Variants in NAT1 observed in about 807,000 individuals in gnomAD.
NAT1 encodes the protein N-acetyltransferase 1, also known as arylamine N-acetyltransferase 1.
For missense variants in NAT1, 400 were observed against 339.2 expected (o/e 1.18, Z -1.41); for synonymous variants, 144 against 122.6 (o/e 1.17, Z -1.16).
At chr8:18,192,741 C>CA (rs1428779204) in intron 2 of NAT1, among the ~76,000 whole-genome samples, 1 of 146,742 alleles carries the variant, frequency 6.8e-6, no homozygotes, top group East Asian at 2.0e-4. Context: ...ATCGCAAGGA[C>CA]AAAAAACCAA....
intron 2 of NAT1, among the ~76,000 whole-genome samples, chr8:18,175,641 T>C (rs1165849250): frequency 6.6e-6 from 1 of 152,164 alleles, no homozygotes; most frequent in Non-Finnish European, 1.5e-5. Flanking sequence ...TGCTTCCATA[T>C]CTTGGCTATT....
chr8:18,219,409 A>G lies in NAT1; in HGVS notation c.-85-2A>G. ...TCTGACTGTCTTTTCTCTTATTTCT[A>G]GAATTCAAGCCAGGAAGAAGCAGCA... On this transcript the variant is annotated splice_acceptor_variant, in intron 1 of 2. Transcript: ENST00000307719. LOFTEE classifies it low-confidence loss of function (5UTR_SPLICE). 3 of 1,543,730 alleles carry G rather than the reference A, an allele frequency of 1.9e-6. No homozygotes were observed. The highest frequency in any genetic ancestry group is 2.6e-6 in the Non-Finnish European group (3 of 1,142,532).
intron 1 of NAT1, among the ~76,000 whole-genome samples, chr8:18,214,268 T>G (rs1002944662): frequency 6.6e-6 from 1 of 152,234 alleles, no homozygotes; most frequent in African/African-American, 2.4e-5. Flanking sequence ...TTCATATTCA[T>G]CTACTTGTTC....
At position 18,189,323 on chromosome 8, in the gene NAT1, T is replaced by G. The variant is rs111395349; in HGVS notation, n.92+18584T>G. On this transcript the variant is annotated intron_variant and non_coding_transcript_variant, in intron 2 of 4. Transcript: ENST00000517441. ...TGATCAGGCACTGTGCTAGCTACTT[T>G]ATGTTTGTAATCTGCTTTAATCATT... Among the ~76,000 whole-genome samples the G allele has an allele frequency of 6.5e-3, 984 of 152,276 alleles. 11 individuals carry two copies. The highest frequency in any genetic ancestry group is 0.023 in the African/African-American group (941 of 41,546).
rs138058980 is a variant in NAT1 at position 18,175,628 on chromosome 8, T to C, written n.92+4889T>C. ...CCATACTATCATTGATGACCACTTA[T>C]GTTGCTTCCATATCTTGGCTATTGT... is the stretch of plus-strand genomic sequence containing the variant. On this transcript the variant is annotated intron_variant and non_coding_transcript_variant, in intron 2 of 4. Coordinates refer to the NAT1 transcript ENST00000517441. Among the ~76,000 whole-genome samples, 1,480 of 152,262 alleles carry C rather than the reference T, an allele frequency of 9.7e-3. 18 individuals are homozygous for C. Among genetic ancestry groups the C allele is most frequent in the African/African-American group, 0.034 (1,395 of 41,564 alleles).
rs547051069 is a variant in NAT1, at chr8:18,220,800, G to C, written c.-6-1242G>C. Among the ~76,000 whole-genome samples, 4 of 147,724 alleles carry C rather than the reference G, an allele frequency of 2.7e-5. No individual in the cohort carries two copies. The East Asian group carries it at 5.8e-4, about 22-fold the overall frequency. ...TTCTACCTTGTAGCAGAATGTACAC[G>C]CTTAGGTTTCAGCAAAAGTTCCTCA... On this transcript the variant is annotated intron_variant, in intron 2 of 2. Transcript: ENST00000307719.
chr8:18,185,351 T>C (rs912048581), intron 2 of NAT1, among the ~76,000 whole-genome samples: 3 of 152,184 alleles, frequency 2.0e-5, no homozygotes, highest in African/African-American at 7.2e-5. Flanking sequence ...TTATTTAGAA[T>C]TTCTATTTTT....
chr8:18,173,539 A>G (rs1802177624), intron 2 of NAT1, among the ~76,000 whole-genome samples: 1 of 152,170 alleles, frequency 6.6e-6, no homozygotes, highest in Non-Finnish European at 1.5e-5. Flanking sequence ...TGGGATGGCA[A>G]TTGCAGATGG....
chr8:18,208,811 C>T (rs1262956104), upstream of NAT1, among the ~76,000 whole-genome samples: 4 of 152,198 alleles, frequency 2.6e-5, no homozygotes, highest in Admixed American at 6.5e-5. Context: ...ACCCCCGCCC[C>T]GGGTCAGAGG....
At chr8:18,218,788 C>T (rs1371762212) in intron 1 of NAT1, among the ~76,000 whole-genome samples, 2 of 152,078 alleles carry the variant, frequency 1.3e-5, no homozygotes, top group African/African-American at 4.8e-5. Context: ...TGACTTTTCC[C>T]TTTGGCTAAA....
chr8:18,213,215 A>G (rs560995095), intron 1 of NAT1, among the ~76,000 whole-genome samples: 1 of 152,014 alleles, frequency 6.6e-6, no homozygotes, highest in African/African-American at 2.4e-5. Flanking sequence ...CCAAGACCCG[A>G]TAGGTCTAAG....
intron 2 of NAT1, among the ~76,000 whole-genome samples, chr8:18,185,886 C>T (rs1211850014): frequency 6.6e-6 from 1 of 151,962 alleles, no homozygotes; most frequent in African/African-American, 2.4e-5. Flanking sequence ...CTATTTTTAT[C>T]ATGGTTTCTT....
intron 1 of NAT1, among the ~76,000 whole-genome samples, chr8:18,216,658 G>A (rs1804701857): frequency 6.6e-6 from 1 of 152,204 alleles, no homozygotes; most frequent in Admixed American, 6.5e-5. Flanking sequence ...ACAGTCATGA[G>A]GGGTCTTGTT....
chr8:18,215,430 A>T (rs1804552343), intron 1 of NAT1, among the ~76,000 whole-genome samples: 1 of 152,334 alleles, frequency 6.6e-6, no homozygotes, highest in Non-Finnish European at 1.5e-5. Context: ...GTGATACGAT[A>T]TTGTATCTAT....
intron 2 of NAT1, among the ~76,000 whole-genome samples, chr8:18,171,984 T>G (rs1159504486): frequency 6.6e-6 from 1 of 152,204 alleles, no homozygotes; most frequent in Non-Finnish European, 1.5e-5. Flanking sequence ...CTCACTGTCT[T>G]TCAGCAAACA....
chr8:18,194,970 A>G (rs1335442425), intron 2 of NAT1, among the ~76,000 whole-genome samples: 1 of 152,142 alleles, frequency 6.6e-6, no homozygotes, highest in African/African-American at 2.4e-5. Flanking sequence ...TCTCAGATGG[A>G]GCAGAGATCA....
chr8:18,180,225 AG>A (rs1002798980), intron 2 of NAT1, among the ~76,000 whole-genome samples: 3 of 152,142 alleles, frequency 2.0e-5, no homozygotes, highest in African/African-American at 7.2e-5. Flanking sequence ...TTCTGACATC[AG>A]GGTGGTGTTG....
intron 2 of NAT1, among the ~76,000 whole-genome samples, chr8:18,197,815 T>C (rs1000584709): frequency 7.2e-5 from 11 of 152,142 alleles, no homozygotes; most frequent in African/African-American, 2.7e-4. Flanking sequence ...GGGATGGGCA[T>C]GTGACCTGGT....
upstream of NAT1, among the ~76,000 whole-genome samples, chr8:18,206,142 T>C (rs4593588): frequency 6.6e-6 from 1 of 152,166 alleles, no homozygotes; most frequent in Non-Finnish European, 1.5e-5. Flanking sequence ...AGGGTCTCCT[T>C]CTGCTGGAGT....
Sources: allele counts gnomAD v4.1 joint callset (sites outside exome capture counted in the v4.1 genomes callset), GRCh38; gene constraint gnomAD v4.1.1; transcripts MANE v1.5; gene names NCBI Gene and HGNC (gene_info 2026-07-23, HGNC 2026-07-21).